Variants in PPM1E observed in about 807,000 individuals in gnomAD.
PPM1E encodes protein phosphatase, Mg2+/Mn2+ dependent 1E, also known as protein phosphatase 1E.
A neutral mutation model predicts 65.9 loss-of-function variants in PPM1E; 20 were observed. The observed-to-expected ratio is 0.30, with a 90% CI of 0.21 to 0.44. PPM1E has a LOEUF of 0.44. PPM1E is among the 20% of genes least tolerant of loss of function. The probability of loss-of-function intolerance (pLI) is 1.00; values close to 1 mark genes in which losing one functional copy is unlikely to be tolerated. For missense variants in PPM1E, 713 were observed against 953.1 expected, an observed-to-expected ratio of 0.75 and a Z score of 3.32; for synonymous variants, 352 against 374.9, an observed-to-expected ratio of 0.94 and a Z score of 0.70.
Position 58,799,691 on chromosome 17 carries a change from G to A in PPM1E, c.464+43230G>A, listed in dbSNP as rs543348344. ...ACTCCTCACCTCAGGTGATCTACCC[G>A]CCTCAGCCTCCCAAAGTGCTGGGAT... is the stretch of plus-strand genomic sequence containing the variant. On this transcript the variant is annotated intron_variant, in intron 1 of 6. Coordinates refer to ENST00000308249, the MANE Select transcript of PPM1E (RefSeq NM_014906.5). Among the ~76,000 whole-genome samples, 14 of 152,212 alleles carry A rather than the reference G, an allele frequency of 9.2e-5. No homozygotes were observed. The East Asian group carries it at 1.7e-3, about 19-fold the overall frequency.
intron 1 of PPM1E, among the ~76,000 whole-genome samples, chr17:58,886,864 G>A (rs185525147): frequency 6.6e-6 from 1 of 152,320 alleles, no homozygotes; most frequent in African/African-American, 2.4e-5. Flanking sequence ...GCCTGAGGCT[G>A]GGATGCCTAG....
At chr17:58,844,504 C>T (rs2050752288) in intron 1 of PPM1E, among the ~76,000 whole-genome samples, 1 of 152,134 alleles carries the variant, frequency 6.6e-6, no homozygotes, top group Non-Finnish European at 1.5e-5. Context: ...TTTATGAGTA[C>T]ATCCTCCAGC....
chr17:58,939,556 T>C (rs2052034796), intron 1 of PPM1E, among the ~76,000 whole-genome samples: 1 of 152,226 alleles, frequency 6.6e-6, no homozygotes, highest in Non-Finnish European at 1.5e-5. Flanking sequence ...GAAATTCATA[T>C]ATGTATTCAT....
intron 1 of PPM1E, among the ~76,000 whole-genome samples, chr17:58,903,854 C>T (rs1403649860): frequency 6.6e-6 from 1 of 152,146 alleles, no homozygotes; most frequent in Non-Finnish European, 1.5e-5. Context: ...CTCCCCTCTT[C>T]CCCTGCCAAT....
chr17:58,836,645 A>G (rs1006155935), intron 1 of PPM1E, among the ~76,000 whole-genome samples: 1 of 150,656 alleles, frequency 6.6e-6, no homozygotes, highest in African/African-American at 2.4e-5. Context: ...TTGTATTTTT[A>G]GTAGAGACGG....
At position 58,794,659 on chromosome 17, in the gene PPM1E, C is replaced by T. The variant is rs575256592; in HGVS notation, c.464+38198C>T. Among the ~76,000 whole-genome samples the T allele has an allele frequency of 4.9e-4, 75 of 152,146 alleles. 1 individual carries two copies. The South Asian group carries it at 9.5e-3, about 19-fold the overall frequency. On this transcript the variant is annotated intron_variant, in intron 1 of 6. Transcript: ENST00000308249. The stretch of plus-strand genomic sequence containing the variant: ...ACTCCCACTTATAAGTGAGAACATG[C>T]AATGTTTGGTTTTCTGTTCCTGTGT...
chr17:58,883,269 T>A (rs912102950), intron 1 of PPM1E, among the ~76,000 whole-genome samples: 4 of 151,516 alleles, frequency 2.6e-5, no homozygotes, highest in Non-Finnish European at 2.9e-5. Context: ...GTTATTACAT[T>A]TTTAATTTAT....
chr17:58,764,781 A>G (rs1434543384), intron 1 of PPM1E, among the ~76,000 whole-genome samples: 3 of 151,918 alleles, frequency 2.0e-5, no homozygotes, highest in Non-Finnish European at 4.4e-5. Context: ...TTTTGTAGAG[A>G]TGAGGTTTCG....
intron 1 of PPM1E, among the ~76,000 whole-genome samples, chr17:58,818,286 CAACAGAGGTTT>C (rs920861182): frequency 3.3e-5 from 5 of 152,144 alleles, no homozygotes; most frequent in African/African-American, 4.8e-5. Context: ...TTGAGGCACA[CAACAGAGGTTT>C]AACAGAGAGG....
chr17:58,899,440 A>G, intron 1 of PPM1E: 1 of 210,812 alleles, frequency 4.7e-6, no homozygotes, highest in Non-Finnish European at 1.0e-5. Context: ...ACCTTAGATA[A>G]GGCTTTGTGT....
Position 58,867,647 on chromosome 17 carries a change from C to T in PPM1E, c.465-88002C>T, listed in dbSNP as rs1051812045. On this transcript the variant is annotated intron_variant, in intron 1 of 6. Coordinates refer to ENST00000308249, the MANE Select transcript of PPM1E (RefSeq NM_014906.5). ...GCTAATTAGGCACTACTTTTAAGAG[C>T]GCTTCTAGTTCTTTATTATTTAACA... 4.6e-5 allele frequency among the ~76,000 whole-genome samples: 7 copies of T among 152,100 alleles called. No homozygotes were observed. In the South Asian group the frequency reaches 6.2e-4, roughly 13 times the overall value.
At chr17:58,944,875 T>C (rs950918847) in intron 1 of PPM1E, among the ~76,000 whole-genome samples, 3 of 152,212 alleles carry the variant, frequency 2.0e-5, no homozygotes, top group African/African-American at 7.2e-5. Flanking sequence ...GGGCTGGCCA[T>C]ATGGTAACTT....
chr17:58,930,394 G>A (rs2051879177), intron 1 of PPM1E, among the ~76,000 whole-genome samples: 1 of 151,926 alleles, frequency 6.6e-6, no homozygotes, highest in South Asian at 2.1e-4. Context: ...AGCCCAGGAG[G>A]TCAAGTCTGT....
At chr17:58,943,962 G>A (rs777254089) in intron 1 of PPM1E, among the ~76,000 whole-genome samples, 9 of 152,112 alleles carry the variant, frequency 5.9e-5, no homozygotes, top group East Asian at 1.9e-4. Context: ...AATACCCGTC[G>A]TTTCCTACTA....
chr17:58,837,798 C>A (rs2050678595), intron 1 of PPM1E, among the ~76,000 whole-genome samples: 1 of 152,136 alleles, frequency 6.6e-6, no homozygotes, highest in Non-Finnish European at 1.5e-5. Flanking sequence ...ACAACCAGCC[C>A]ATGAGGTTTT....
At chr17:58,782,145 A>G (rs1190836922) in intron 1 of PPM1E, among the ~76,000 whole-genome samples, 2 of 152,148 alleles carry the variant, frequency 1.3e-5, no homozygotes, top group African/African-American at 4.8e-5. Context: ...AGATTATTAA[A>G]GTTTGTGATA....
At chr17:58,906,004 A>G (rs1289818412) in intron 1 of PPM1E, among the ~76,000 whole-genome samples, 7 of 152,214 alleles carry the variant, frequency 4.6e-5, no homozygotes, top group South Asian at 2.1e-4. Context: ...TCTGTAATCA[A>G]TTTAGACCTA....
At chr17:58,832,849 C>G (rs934432991) in intron 1 of PPM1E, among the ~76,000 whole-genome samples, 10 of 151,616 alleles carry the variant, frequency 6.6e-5, no homozygotes, top group Admixed American at 3.9e-4. Flanking sequence ...GAGCCTCGCT[C>G]TGTTACCAGG....
chr17:58,865,039 A>G (rs1157424402), intron 1 of PPM1E, among the ~76,000 whole-genome samples: 2 of 152,226 alleles, frequency 1.3e-5, no homozygotes, highest in African/African-American at 4.8e-5. Context: ...ATCAGTGTTT[A>G]GTGAAGGGAA....
Sources: allele counts gnomAD v4.1 joint callset (sites outside exome capture counted in the v4.1 genomes callset), GRCh38; gene constraint gnomAD v4.1.1; transcripts MANE v1.5; gene names NCBI Gene and HGNC (gene_info 2026-07-23, HGNC 2026-07-21).